Variants in UPRT observed in about 807,000 individuals in gnomAD.
The protein encoded by UPRT is uracil phosphoribosyltransferase homolog.
In UPRT, 5 loss-of-function variants were observed where a neutral mutation model predicts 22.6. The observed-to-expected ratio is 0.22, with a 90% CI of 0.12 to 0.47. The LOEUF (loss-of-function observed/expected upper bound fraction) is 0.47, where lower values mean the gene tolerates loss of function less well. Among genes scored for constraint, UPRT ranks in the 20% least tolerant of loss-of-function variants. The pLI is 0.99. For missense variants in UPRT, 181 were observed against 239.9 expected, an observed-to-expected ratio of 0.75 and a Z score of 1.62; for synonymous variants, 77 against 87.7, an observed-to-expected ratio of 0.88 and a Z score of 0.68.
chrX:75,232,229 G>A (rs1057441896), intron 4 of UPRT, among the ~76,000 whole-genome samples: 3 of 112,437 alleles, frequency 2.7e-5, no homozygotes, highest in East Asian at 2.8e-4. Context: ...GCGCTTTTCC[G>A]ATGGGCTTAA....
intron 4 of UPRT, among the ~76,000 whole-genome samples, chrX:75,194,239 C>T (rs1450127391): frequency 8.9e-6 from 1 of 111,929 alleles, no homozygotes; most frequent in Non-Finnish European, 1.9e-5. Context: ...AGGCTCAGCT[C>T]AGGATTCCTG....
upstream of UPRT, among the ~76,000 whole-genome samples, chrX:75,270,062 A>G (rs191650980): frequency 2.2e-3 from 250 of 112,092 alleles, no homozygotes; most frequent in African/African-American, 7.7e-3. Flanking sequence ...TTACAAGAAA[A>G]AAACAAACAG....
At chrX:75,236,519 G>C (rs2082464864) in intron 4 of UPRT, among the ~76,000 whole-genome samples, 1 of 111,670 alleles carries the variant, frequency 9.0e-6, no homozygotes, top group Non-Finnish European at 1.9e-5. Context: ...GAACAAAGCT[G>C]GAGGTATCGC....
At chrX:75,256,681 G>A (rs1369477391) in intron 4 of UPRT, among the ~76,000 whole-genome samples, 3 of 111,902 alleles carry the variant, frequency 2.7e-5, no homozygotes, top group African/African-American at 9.7e-5. Context: ...AAATGAAATG[G>A]GAGATATTAC....
chrX:75,182,916 A>G lies in UPRT; in HGVS notation c.-447+15037A>G, dbSNP rs1412374861. On this transcript the variant is annotated intron_variant, in intron 4 of 13. Transcript: ENST00000652605. ...GATATTGGTTTGCTCTTGTTTATCT[A>G]GGGCCTCTAGTTGTGATGTTAGGTT... 2.7e-5 allele frequency among the ~76,000 whole-genome samples: 3 copies of G among 110,761 alleles called. No homozygotes were observed. The East Asian group carries it at 8.5e-4, about 31-fold the overall frequency.
At chrX:75,187,412 C>T (rs1434795936) in intron 4 of UPRT, among the ~76,000 whole-genome samples, 1 of 111,531 alleles carries the variant, frequency 9.0e-6, no homozygotes, top group Non-Finnish European at 1.9e-5. Context: ...TGATGGGCTT[C>T]CCTTTGAGGG....
rs1348095402 is a variant in UPRT at position 75,299,908 on chromosome X, C to T, written c.724+12C>T. 8.3e-7 allele frequency: 1 copy of T among 1,206,248 alleles called. No homozygotes were observed. Among genetic ancestry groups the T allele is most frequent in the South Asian group, 1.8e-5 (1 of 55,667 alleles). On this transcript the variant is annotated intron_variant, in intron 5 of 6. Coordinates refer to ENST00000373383, the MANE Select transcript of UPRT (RefSeq NM_145052.4). ...GTATCCAATTCTCAGTGAGTGGCTT[C>T]CATTTGTTTGTAACCTTTGGTTAGG...
chrX:75,191,360 G>A (rs767816859), intron 4 of UPRT, among the ~76,000 whole-genome samples: 33 of 111,846 alleles, frequency 3.0e-4, no homozygotes, highest in Middle Eastern at 4.6e-3. Flanking sequence ...AGGGGTACCC[G>A]GCCGTGTGAG....
chrX:75,252,273 G>T (rs2082533333), intron 4 of UPRT, among the ~76,000 whole-genome samples: 1 of 111,437 alleles, frequency 9.0e-6, no homozygotes, highest in Non-Finnish European at 1.9e-5. Context: ...GAGTGAACAG[G>T]TAACCTACAG....
chrX:75,281,507 A>T (rs2147689837), intron 1 of UPRT, among the ~76,000 whole-genome samples: 1 of 111,990 alleles, frequency 8.9e-6, no homozygotes, highest in South Asian at 3.8e-4. Context: ...CTTTTTCTGC[A>T]TCTATTGAGA....
chrX:75,245,286 AAGG>A (rs2082501031), intron 4 of UPRT, among the ~76,000 whole-genome samples: 1 of 109,430 alleles, frequency 9.1e-6, no homozygotes, highest in African/African-American at 3.3e-5. Flanking sequence ...AAAAAAAGAA[AAGG>A]AAAACAGATA....
At chrX:75,294,641 G>T in intron 2 of UPRT, 1 of 951,524 alleles carries the variant, frequency 1.1e-6, no homozygotes, top group Non-Finnish European at 1.3e-6. Context: ...TTGGTTCAGA[G>T]ACCAATTTTA....
chrX:75,183,991 G>T (rs1291187890), intron 4 of UPRT, among the ~76,000 whole-genome samples: 1 of 112,027 alleles, frequency 8.9e-6, no homozygotes. Context: ...CACTCTGATG[G>T]TAGTTTCTTT....
intron 4 of UPRT, among the ~76,000 whole-genome samples, chrX:75,186,036 A>T (rs1185458484): frequency 1.8e-5 from 2 of 110,066 alleles, no homozygotes; most frequent in Non-Finnish European, 3.8e-5. Context: ...TTCTGCTCTG[A>T]TTTTAGTTAT....
In UPRT at chrX:75,277,364, A is replaced by G. The variant is rs1331586079; in HGVS notation, c.386+2724A>G. On this transcript the variant is annotated intron_variant, in intron 1 of 6. Coordinates refer to ENST00000373383, the MANE Select transcript of UPRT (RefSeq NM_145052.4). ...AATACCTGATTATATGTCATTAGTC[A>G]GAAAAACCTGGGTTATGTAGTAAAC... Among the ~76,000 whole-genome samples the G allele has an allele frequency of 2.7e-5, 3 of 111,553 alleles. No homozygotes were observed. In the Admixed American group the frequency reaches 2.9e-4, roughly 11 times the overall value.
At chrX:75,216,227 A>T (rs1323894410) in intron 4 of UPRT, among the ~76,000 whole-genome samples, 4 of 112,573 alleles carry the variant, frequency 3.6e-5, no homozygotes, top group Non-Finnish European at 7.5e-5. Flanking sequence ...AAAATCAATT[A>T]ATGTAATAAA....
At chrX:75,188,551 C>A (rs1043095915) in intron 4 of UPRT, among the ~76,000 whole-genome samples, 1 of 112,742 alleles carries the variant, frequency 8.9e-6, no homozygotes, top group Admixed American at 9.3e-5. Flanking sequence ...TGGGCTCCAC[C>A]CAGTTTGAGC....
At chrX:75,237,548 C>A (rs1242726553) in intron 4 of UPRT, among the ~76,000 whole-genome samples, 2 of 109,979 alleles carry the variant, frequency 1.8e-5, no homozygotes, top group Admixed American at 9.6e-5. Context: ...GGAACCAACC[C>A]AAATGTCCAA....
upstream of UPRT, among the ~76,000 whole-genome samples, chrX:75,273,451 G>C (rs994361575): frequency 5.4e-5 from 6 of 111,350 alleles, no homozygotes; most frequent in Non-Finnish European, 1.1e-4. Context: ...ACTGATGTTT[G>C]AAAAGTACTG....
Sources: allele counts gnomAD v4.1 joint callset (sites outside exome capture counted in the v4.1 genomes callset), GRCh38; gene constraint gnomAD v4.1.1; transcripts MANE v1.5; gene names NCBI Gene and HGNC (gene_info 2026-07-23, HGNC 2026-07-21).